The following CTNNA3 variants were observed in gnomAD, a reference collection of about 807,000 sequenced individuals.
The protein encoded by CTNNA3 is catenin alpha-3.
In CTNNA3, 76 loss-of-function variants were observed where a neutral mutation model predicts 95.7. That is an observed-to-expected ratio of 0.79 (90% CI 0.66 to 0.96). The LOEUF is 0.96. Among genes scored for constraint, CTNNA3 ranks in the 40% least tolerant of loss-of-function variants. The pLI is 0.00. For synonymous variants in CTNNA3, 431 were observed against 374.4 expected, an observed-to-expected ratio of 1.15 and a Z score of -1.74; for missense variants, 1,191 against 1,089.8, an observed-to-expected ratio of 1.09 and a Z score of -1.31.
At chr10:67,676,366 T>C (rs1840534552) in intron 1 of CTNNA3, among the ~76,000 whole-genome samples, 1 of 152,200 alleles carries the variant, frequency 6.6e-6, no homozygotes, top group African/African-American at 2.4e-5. Context: ...TGAACAATTA[T>C]AAAATGATAT....
intron 3 of CTNNA3, among the ~76,000 whole-genome samples, chr10:67,588,756 C>A (rs757616565): frequency 2.0e-4 from 31 of 152,050 alleles, no homozygotes; most frequent in Non-Finnish European, 4.0e-4. Flanking sequence ...CCATTATATT[C>A]ATTTTATTTT....
At chr10:66,179,984 T>C (rs1012070325) in intron 13 of CTNNA3, among the ~76,000 whole-genome samples, 1 of 152,144 alleles carries the variant, frequency 6.6e-6, no homozygotes, top group African/African-American at 2.4e-5. Context: ...TTTTTTTCTA[T>C]CTTAGAAATT....
intron 7 of CTNNA3, chr10:66,926,535 C>T: frequency 6.2e-7 from 1 of 1,612,232 alleles, no homozygotes; most frequent in South Asian, 1.1e-5. Flanking sequence ...GCAACTGGCC[C>T]CTAAGCCAAA....
At chr10:66,883,591 C>T (rs994205126) in intron 7 of CTNNA3, among the ~76,000 whole-genome samples, 1 of 152,056 alleles carries the variant, frequency 6.6e-6, no homozygotes, top group Non-Finnish European at 1.5e-5. Context: ...AGGTAGATAC[C>T]AAAATGCCCA....
chr10:66,872,663 C>T (rs905455898), intron 7 of CTNNA3, among the ~76,000 whole-genome samples: 17 of 140,586 alleles, frequency 1.2e-4, no homozygotes, highest in Admixed American at 1.4e-4. Flanking sequence ...AACGAGACCC[C>T]GTCTCAAAAA....
intron 5 of CTNNA3, among the ~76,000 whole-genome samples, chr10:67,474,490 A>G (rs1847934125): frequency 6.6e-6 from 1 of 151,916 alleles, no homozygotes. Context: ...TTTATCTTAG[A>G]CTCCTAGCCT....
intron 13 of CTNNA3, among the ~76,000 whole-genome samples, chr10:66,242,229 A>T (rs1186067500): frequency 2.6e-5 from 4 of 152,158 alleles, no homozygotes; most frequent in Non-Finnish European, 4.4e-5. Context: ...TTTCTTTATA[A>T]ATTACCCAGT....
chr10:67,720,367 T>C (rs866836553), intron 1 of CTNNA3, among the ~76,000 whole-genome samples: 10 of 151,582 alleles, frequency 6.6e-5, no homozygotes, highest in Non-Finnish European at 1.2e-4. Flanking sequence ...TTAAGGTTAA[T>C]ATTGTTATGT....
At chr10:66,217,579 T>G (rs1362568848) in intron 13 of CTNNA3, among the ~76,000 whole-genome samples, 1 of 152,156 alleles carries the variant, frequency 6.6e-6, no homozygotes, top group Non-Finnish European at 1.5e-5. Context: ...CAAATACACT[T>G]GCTATGAACA....
intron 11 of CTNNA3, among the ~76,000 whole-genome samples, chr10:66,497,671 T>C (rs1314064474): frequency 1.3e-5 from 2 of 152,088 alleles, no homozygotes; most frequent in Admixed American, 6.5e-5. Context: ...ATATTTTGTA[T>C]TTAAGACAAT....
intron 7 of CTNNA3, among the ~76,000 whole-genome samples, chr10:67,081,764 T>A (rs560112355): frequency 6.6e-6 from 1 of 152,322 alleles, no homozygotes; most frequent in Admixed American, 6.5e-5. Flanking sequence ...TTTCTCTGAA[T>A]GAGTTCCTTG....
At chr10:66,878,990 T>C (rs925039343) in intron 7 of CTNNA3, among the ~76,000 whole-genome samples, 1 of 152,186 alleles carries the variant, frequency 6.6e-6, no homozygotes, top group Non-Finnish European at 1.5e-5. Flanking sequence ...TCAGGCACTG[T>C]GATTAGTGTC....
intron 16 of CTNNA3, among the ~76,000 whole-genome samples, chr10:65,979,273 GCTC>G (rs1253683920): frequency 6.6e-6 from 1 of 152,058 alleles, no homozygotes; most frequent in African/African-American, 2.4e-5. Flanking sequence ...ATTCAACAAA[GCTC>G]CTTTACTTTA....
intron 5 of CTNNA3, among the ~76,000 whole-genome samples, chr10:67,491,538 T>C (rs111322272): frequency 6.6e-6 from 1 of 152,072 alleles, no homozygotes; most frequent in African/African-American, 2.4e-5. Flanking sequence ...AGGAGGAAAA[T>C]AATCATGCAG....
intron 7 of CTNNA3, among the ~76,000 whole-genome samples, chr10:67,151,588 T>C (rs1315449262): frequency 6.6e-6 from 1 of 152,168 alleles, no homozygotes; most frequent in African/African-American, 2.4e-5. Flanking sequence ...AATAAGTCCT[T>C]CAAATTCCCT....
intron 5 of CTNNA3, among the ~76,000 whole-genome samples, chr10:67,291,349 C>G (rs1839832087): frequency 6.6e-6 from 1 of 152,084 alleles, no homozygotes; most frequent in Non-Finnish European, 1.5e-5. Context: ...GATAGTTAAC[C>G]TATTGAGTGG....
At chr10:67,682,862 A>C (rs1246334925) in intron 1 of CTNNA3, among the ~76,000 whole-genome samples, 1 of 152,236 alleles carries the variant, frequency 6.6e-6, no homozygotes, top group Non-Finnish European at 1.5e-5. Context: ...TGGGCTAAAT[A>C]AATTCTGCTA....
intron 1 of CTNNA3, among the ~76,000 whole-genome samples, chr10:67,680,776 T>C (rs1840611872): frequency 6.6e-6 from 1 of 152,208 alleles, no homozygotes; most frequent in Non-Finnish European, 1.5e-5. Flanking sequence ...AAAAAAGATA[T>C]GTGGACTGAT....
At chr10:66,462,555 G>A (rs2093536791) in intron 11 of CTNNA3, among the ~76,000 whole-genome samples, 1 of 151,172 alleles carries the variant, frequency 6.6e-6, no homozygotes, top group Non-Finnish European at 1.5e-5. Context: ...TACCTATTTT[G>A]TCATAGGAAT....
Sources: gnomAD v4.1 joint callset for allele counts (sites outside exome capture counted in the v4.1 genomes callset) on GRCh38, gnomAD v4.1.1 for gene constraint, MANE v1.5 for transcripts, NCBI Gene and HGNC (gene_info 2026-07-23, HGNC 2026-07-21) for gene names.